Variants in AVEN observed in about 807,000 individuals in gnomAD.
AVEN encodes apoptosis and caspase activation inhibitor, also known as cell death regulator Aven.
In AVEN, 41 loss-of-function variants were observed where a neutral mutation model predicts 38.1. The observed-to-expected ratio is 1.08, with a 90% CI of 0.84 to 1.40. The LOEUF (loss-of-function observed/expected upper bound fraction) is 1.40, where lower values mean the gene tolerates loss of function less well. Ranked by LOEUF, AVEN falls within the 40% of genes most tolerant of loss-of-function variation. The probability of loss-of-function intolerance (pLI) is 0.00; values close to 1 mark genes in which losing one functional copy is unlikely to be tolerated. For missense variants in AVEN, 605 were observed against 438.8 expected, an observed-to-expected ratio of 1.38 and a Z score of -3.38; for synonymous variants, 206 against 171.8, an observed-to-expected ratio of 1.20 and a Z score of -1.56.
intron 2 of AVEN, among the ~76,000 whole-genome samples, chr15:33,881,031 T>C (rs1482070775): frequency 6.6e-6 from 1 of 151,596 alleles, no homozygotes; most frequent in Non-Finnish European, 1.5e-5. Flanking sequence ...TATAACACAA[T>C]TTAAAGAAGG....
At chr15:33,950,337 T>C (rs1274929805) in intron 2 of AVEN, among the ~76,000 whole-genome samples, 6 of 152,240 alleles carry the variant, frequency 3.9e-5, no homozygotes. Context: ...AGAGTTGTTC[T>C]TAGTATTCTC....
intron 1 of AVEN, among the ~76,000 whole-genome samples, chr15:34,007,557 G>A (rs1440601343): frequency 6.6e-6 from 1 of 152,050 alleles, no homozygotes; most frequent in Non-Finnish European, 1.5e-5. Context: ...TCAAGACAAC[G>A]TAGGCTGCTT....
At chr15:34,062,851 T>C (rs1261513833) in intron 5 of AVEN, 9 of 1,614,106 alleles carry the variant, frequency 5.6e-6, no homozygotes, top group East Asian at 2.2e-5. Context: ...CTGATCACCA[T>C]TGTGGGCAAT....
downstream of AVEN, among the ~76,000 whole-genome samples, chr15:33,855,522 T>C (rs2079559715): frequency 6.6e-6 from 1 of 152,156 alleles, no homozygotes; most frequent in African/African-American, 2.4e-5. Flanking sequence ...TTTTAAGGTC[T>C]ACCCCTTCCT....
At chr15:33,948,829 C>G (rs181575655) in intron 2 of AVEN, among the ~76,000 whole-genome samples, 3 of 152,096 alleles carry the variant, frequency 2.0e-5, no homozygotes, top group South Asian at 2.1e-4. Flanking sequence ...CCCATCACCA[C>G]GTCTGGCTAA....
downstream of AVEN, among the ~76,000 whole-genome samples, chr15:33,863,790 G>C (rs1011086617): frequency 6.6e-6 from 1 of 152,132 alleles, no homozygotes; most frequent in Non-Finnish European, 1.5e-5. Flanking sequence ...TAAATGGCCT[G>C]TTAAATATTC....
At chr15:33,881,074 A>C (rs1044698201) in intron 2 of AVEN, among the ~76,000 whole-genome samples, 6 of 152,136 alleles carry the variant, frequency 3.9e-5, no homozygotes, top group Non-Finnish European at 5.9e-5. Context: ...AAGAATATAG[A>C]AGCTAATTTT....
At chr15:33,905,061 T>C (rs1597215538) in intron 2 of AVEN, among the ~76,000 whole-genome samples, 1 of 133,932 alleles carries the variant, frequency 7.5e-6, no homozygotes, top group Admixed American at 8.0e-5. Context: ...ACCTGGGAGG[T>C]GGAGGTTGCA....
chr15:33,993,064 T>C (rs763756805), intron 2 of AVEN, among the ~76,000 whole-genome samples: 2 of 152,232 alleles, frequency 1.3e-5, no homozygotes, highest in Non-Finnish European at 2.9e-5. Flanking sequence ...CTGCTCACAC[T>C]GTTAAACATT....
chr15:34,075,116 G>A (rs1200968852), exon 1 of AVEN, among the ~76,000 whole-genome samples: 3 of 146,166 alleles, frequency 2.1e-5, no homozygotes, highest in Non-Finnish European at 4.5e-5. Context: ...GGTGGAGGTT[G>A]CAGTGGACCA....
intron 1 of AVEN, among the ~76,000 whole-genome samples, chr15:34,012,771 G>C (rs1015486988): frequency 6.6e-6 from 1 of 152,152 alleles, no homozygotes; most frequent in Non-Finnish European, 1.5e-5. Flanking sequence ...AAGCATTACT[G>C]AACTAGAAGG....
At chr15:33,857,220 G>A (rs1374442407), downstream of AVEN, among the ~76,000 whole-genome samples, 1 of 134,198 alleles carries the variant, frequency 7.5e-6, no homozygotes, top group Non-Finnish European at 1.6e-5. Flanking sequence ...TCTGGAGGCG[G>A]TAAGTAAGTC....
At chr15:33,854,339 T>C, downstream of AVEN, 2 of 1,486,968 alleles carry the variant, frequency 1.3e-6, no homozygotes, top group South Asian at 2.5e-5. Context: ...ATTGAGCACT[T>C]AACTACCTCT....
chr15:34,022,203 C>T (rs1898232525), intron 1 of AVEN, among the ~76,000 whole-genome samples: 2 of 152,130 alleles, frequency 1.3e-5, no homozygotes, highest in African/African-American at 4.8e-5. Flanking sequence ...CATCATGGCC[C>T]CATGTTAGCA....
At chr15:33,941,958 T>A (rs1894334167) in intron 2 of AVEN, among the ~76,000 whole-genome samples, 1 of 152,200 alleles carries the variant, frequency 6.6e-6, no homozygotes, top group Non-Finnish European at 1.5e-5. Context: ...AGGGACAGCC[T>A]GCCCTAAATT....
intron 5 of AVEN, among the ~76,000 whole-genome samples, chr15:34,049,505 A>G (rs1418828515): frequency 6.6e-6 from 1 of 152,154 alleles, no homozygotes; most frequent in Non-Finnish European, 1.5e-5. Context: ...AAGAATGGAG[A>G]AAAAAAGAAT....
chr15:33,875,607 C>CA (rs931385638), intron 3 of AVEN, among the ~76,000 whole-genome samples: 5 of 152,146 alleles, frequency 3.3e-5, no homozygotes, highest in Non-Finnish European at 5.9e-5. Flanking sequence ...AGGGAATTGT[C>CA]AAAGCGTGGC....
chr15:34,064,666 G>A (rs1186509325), intron 4 of AVEN: 3 of 253,530 alleles, frequency 1.2e-5, no homozygotes, highest in Admixed American at 5.0e-5. Flanking sequence ...GCAGAGACCA[G>A]GTGGAAACCT....
chr15:33,953,296 T>C (rs985138483), intron 2 of AVEN, among the ~76,000 whole-genome samples: 5 of 151,994 alleles, frequency 3.3e-5, no homozygotes, highest in Non-Finnish European at 5.9e-5. Flanking sequence ...TACTTTAAAG[T>C]TCATATGGAA....
Sources: gnomAD v4.1 joint callset for allele counts (sites outside exome capture counted in the v4.1 genomes callset) on GRCh38, gnomAD v4.1.1 for gene constraint, MANE v1.5 for transcripts, NCBI Gene and HGNC (gene_info 2026-07-23, HGNC 2026-07-21) for gene names.